ATP8A2: variants seen among roughly 807,000 people sequenced by gnomAD.
The protein encoded by ATP8A2 is ATPase phospholipid transporting 8A2, also known as phospholipid-transporting ATPase IB.
In ATP8A2, 100 loss-of-function variants were observed where a neutral mutation model predicts 165.6. The ratio of observed to expected loss-of-function variants is 0.60; its 90% CI spans 0.51 to 0.71. The LOEUF (loss-of-function observed/expected upper bound fraction) is 0.71. Ranked by LOEUF, ATP8A2 falls within the 30% of genes least tolerant of loss-of-function variation. ATP8A2 has a pLI of 0.00. For missense variants in ATP8A2, 1,227 were observed against 1,479.5 expected, an observed-to-expected ratio of 0.83 and a Z score of 2.80; for synonymous variants, 543 against 548.8, an observed-to-expected ratio of 0.99 and a Z score of 0.15.
intron 1 of ATP8A2, among the ~76,000 whole-genome samples, chr13:25,448,459 G>C (rs9511808): frequency 0.42 from 64,181 of 152,052 alleles, 14,362 homozygotes; most frequent in East Asian, 0.59. Flanking sequence ...AATAAGCCTA[G>C]ATCATTCTAA....
intron 1 of ATP8A2, among the ~76,000 whole-genome samples, chr13:25,456,963 G>A (rs569574392): frequency 3.9e-5 from 6 of 152,230 alleles, no homozygotes; most frequent in South Asian, 2.1e-4. Flanking sequence ...TAACACTAAC[G>A]GCAGCTGATG....
chr13:25,564,800 G>T (rs878855870), intron 16 of ATP8A2, among the ~76,000 whole-genome samples: 1 of 152,116 alleles, frequency 6.6e-6, no homozygotes, highest in Non-Finnish European at 1.5e-5. Context: ...AGATTGTGGT[G>T]CACCCGTCAC....
At chr13:25,843,449 C>T (rs1288118189) in intron 30 of ATP8A2, among the ~76,000 whole-genome samples, 3 of 152,084 alleles carry the variant, frequency 2.0e-5, no homozygotes, top group African/African-American at 7.2e-5. Flanking sequence ...CATAGGGCCT[C>T]TGGGAGGTGA....
intron 24 of ATP8A2, among the ~76,000 whole-genome samples, chr13:25,684,466 G>GA (rs2042560073): frequency 6.6e-6 from 1 of 152,132 alleles, no homozygotes; most frequent in Non-Finnish European, 1.5e-5. Context: ...GCTCTGCTCG[G>GA]CCTCCATGGA....
At position 25,699,317 on chromosome 13, in the gene ATP8A2, C is replaced by T. The variant is rs773620007; in HGVS notation, c.2356C>T (p.Leu786Phe). The T allele has an allele frequency of 6.2e-7, 1 of 1,613,450 alleles. No homozygotes were observed. The highest frequency in any genetic ancestry group is 8.5e-7 in the Non-Finnish European group (1 of 1,179,674). Reference sequence around the variant, plus strand: ...CCGGAGGAGTTTCCTGGATTTGGCACTCTCGTGCAAAGCGGTCATATGCTG... The same window carrying T: ...CCGGAGGAGTTTCCTGGATTTGGCATTCTCGTGCAAAGCGGTCATATGCTG... ...EVRRSFLDLA[L>F]SCKAVICCRV... is the part of the protein sequence containing the mutation. The change falls in exon 25 of 37, where the codon CTC becomes TTC. Residue 786 changes from leucine to phenylalanine, a missense_variant. This residue lies in a region of ATP8A2 where 592 missense variants were observed against 785.6 expected (regional missense o/e 0.75). Coordinates refer to ENST00000381655, the MANE Select transcript of ATP8A2 (RefSeq NM_016529.6).
At chr13:25,802,537 C>T (rs546976587) in intron 27 of ATP8A2, among the ~76,000 whole-genome samples, 37 of 152,288 alleles carry the variant, frequency 2.4e-4, no homozygotes, top group African/African-American at 8.4e-4. Context: ...TGCTTGAGAA[C>T]TTTTTCTCAA....
intron 31 of ATP8A2, 48 bp downstream of exon 31, chr13:25,860,304 G>T: frequency 1.6e-6 from 2 of 1,238,936 alleles, no homozygotes; most frequent in South Asian, 1.3e-5. Flanking sequence ...GCTTATGTGT[G>T]GCTTGCACTT....
chr13:25,914,333 C>A (rs1303005620), intron 33 of ATP8A2, among the ~76,000 whole-genome samples: 1 of 152,102 alleles, frequency 6.6e-6, no homozygotes, highest in Non-Finnish European at 1.5e-5. Context: ...CAGCCCTTAC[C>A]TCTTTCTTAA....
At chr13:25,866,179 A>G (rs888924430) in intron 33 of ATP8A2, among the ~76,000 whole-genome samples, 1 of 152,190 alleles carries the variant, frequency 6.6e-6, no homozygotes, top group Non-Finnish European at 1.5e-5. Flanking sequence ...AGGGAATGCC[A>G]TCTTACTTGA....
chr13:25,383,656 C>A (rs2032935875), intron 1 of ATP8A2, among the ~76,000 whole-genome samples: 1 of 152,092 alleles, frequency 6.6e-6, no homozygotes, highest in Non-Finnish European at 1.5e-5. Flanking sequence ...TTTTTGCTTA[C>A]CTTTTTGAAA....
chr13:25,581,716 A>T (rs1478063016), intron 22 of ATP8A2, 103 bp from the exon 23 acceptor site: 2 of 1,117,920 alleles, frequency 1.8e-6, no homozygotes, highest in African/African-American at 3.1e-5. Flanking sequence ...AGGAAATAGA[A>T]CAACTGTCTC....
At chr13:25,469,856 A>G (rs560070749) in intron 2 of ATP8A2, among the ~76,000 whole-genome samples, 1 of 152,344 alleles carries the variant, frequency 6.6e-6, no homozygotes, top group South Asian at 2.1e-4. Context: ...TCTGCTGTGC[A>G]AAGCTAGTTC....
At chr13:25,933,084 G>T (rs796726931) in intron 33 of ATP8A2, among the ~76,000 whole-genome samples, 8 of 152,320 alleles carry the variant, frequency 5.3e-5, no homozygotes, top group African/African-American at 1.9e-4. Flanking sequence ...CTGATCTCAG[G>T]TGATCCGTCC....
intron 27 of ATP8A2, among the ~76,000 whole-genome samples, chr13:25,787,669 A>G (rs1383071203): frequency 6.6e-6 from 1 of 152,234 alleles, no homozygotes; most frequent in Non-Finnish European, 1.5e-5. Context: ...AAAGTCAAGC[A>G]AAAACTTGGC....
In ATP8A2 at chr13:25,966,029, G is replaced by GAA. The variant is rs61635155; in HGVS notation, c.3273-2531_3273-2530dup. On this transcript the variant is annotated intron_variant, in intron 34 of 36. Transcript: ENST00000381655. Reference sequence around the variant, plus strand: ...AGAAGAGTCCAGGGAAAGAGTTTCAGAAAAAAAAAAAAAAAAGGATGGAAA... The same window carrying GAA: ...AGAAGAGTCCAGGGAAAGAGTTTCAGAAAAAAAAAAAAAAAAAAGGATGGAAA... Among the ~76,000 whole-genome samples the GAA allele has an allele frequency of 9.8e-3, 1,307 of 133,504 alleles. 29 individuals are homozygous for GAA. Among genetic ancestry groups the GAA allele is most frequent in the East Asian group, 0.022 (101 of 4,634 alleles). The allele number at this position is 133,504 out of a possible 152,430, so 87.6% of individuals were successfully genotyped here.
chr13:25,395,379 G>T (rs1418341291), intron 1 of ATP8A2, among the ~76,000 whole-genome samples: 1 of 151,892 alleles, frequency 6.6e-6, no homozygotes, highest in East Asian at 1.9e-4. Flanking sequence ...TGGCTTGTAG[G>T]GGTCAAGGGA....
intron 6 of ATP8A2, among the ~76,000 whole-genome samples, chr13:25,534,629 A>G (rs1275524714): frequency 6.6e-6 from 1 of 152,232 alleles, no homozygotes; most frequent in Non-Finnish European, 1.5e-5. Flanking sequence ...GAAAAACAAC[A>G]ATAACAAAGA....
chr13:25,900,939 C>T (rs570323657), intron 33 of ATP8A2, among the ~76,000 whole-genome samples: 23 of 152,350 alleles, frequency 1.5e-4, no homozygotes, highest in African/African-American at 5.5e-4. Context: ...CACCCCTGAG[C>T]ATCTTCATGG....
In ATP8A2 at chr13:25,546,180, G is replaced by A. The variant is rs113621264; in HGVS notation, c.891+2778G>A. Among the ~76,000 whole-genome samples the A allele has an allele frequency of 6.2e-3, 945 of 151,982 alleles. 7 individuals carry two copies. The highest frequency in any genetic ancestry group is 8.8e-3 in the Non-Finnish European group (601 of 67,982). ...AGTTAATTAAACTATCTTTTAAAAC[G>A]CTCCAGTCTTCTCTTCAGTGAGTAA... On this transcript the variant is annotated intron_variant, in intron 10 of 36. Transcript: ENST00000381655.
Sources: gnomAD v4.1 joint callset for allele counts (sites outside exome capture counted in the v4.1 genomes callset) on GRCh38, gnomAD v4.1.1 for gene constraint, gnomAD v4.1.1 regional missense constraint, MANE v1.5 for transcripts, NCBI Gene and HGNC (gene_info 2026-07-23, HGNC 2026-07-21) for gene names.